The following ZSCAN25 variants were observed in gnomAD, a reference collection of about 807,000 sequenced individuals.
ZSCAN25 encodes zinc finger and SCAN domain-containing protein 25.
ZSCAN25 carries 27 observed loss-of-function variants against 38.7 expected under a neutral mutation model. The ratio of observed to expected loss-of-function variants is 0.70; its 90% confidence interval spans 0.51 to 0.96. The LOEUF is 0.96. Among genes scored for constraint, ZSCAN25 ranks in the 40% least tolerant of loss-of-function variants. The pLI is 0.00. For missense variants in ZSCAN25, 637 were observed against 705.9 expected (o/e 0.90, Z 1.11); for synonymous variants, 273 against 277.7 (o/e 0.98, Z 0.17).
the ZSCAN25 span, among the ~76,000 whole-genome samples, chr7:99,682,103 G>C: frequency 6.6e-6 from 1 of 152,064 alleles, no homozygotes; most frequent in Non-Finnish European, 1.5e-5. Flanking sequence ...TGTGTAGCTG[G>C]GACTACAGGC....
At chr7:99,683,710 C>T in the ZSCAN25 span, among the ~76,000 whole-genome samples, 2 of 152,038 alleles carry the variant, frequency 1.3e-5, no homozygotes, top group Admixed American at 6.5e-5. Context: ...CCCTCTGTGT[C>T]GACATTTTCT....
At chr7:99,628,175 A>G (rs1807662131) in intron 7 of ZSCAN25, among the ~76,000 whole-genome samples, 1 of 152,246 alleles carries the variant, frequency 6.6e-6, no homozygotes, top group South Asian at 2.1e-4. Context: ...TGTACAAAAC[A>G]TAAATGGCTT....
At chr7:99,685,796 T>A in the ZSCAN25 span, among the ~76,000 whole-genome samples, 5 of 152,226 alleles carry the variant, frequency 3.3e-5, no homozygotes, top group Non-Finnish European at 7.3e-5. Context: ...AGGTCTTCAG[T>A]GAAACTAGGC....
At chr7:99,706,417 C>T in the ZSCAN25 span, among the ~76,000 whole-genome samples, 1 of 152,180 alleles carries the variant, frequency 6.6e-6, no homozygotes, top group Admixed American at 6.5e-5. Flanking sequence ...AGGATAGCTA[C>T]ATAGCTGGCC....
At chr7:99,690,957 G>T in the ZSCAN25 span, among the ~76,000 whole-genome samples, 1 of 152,162 alleles carries the variant, frequency 6.6e-6, no homozygotes, top group Non-Finnish European at 1.5e-5. Context: ...ATACCCAAAG[G>T]ATTATAAATC....
chr7:99,715,612 A>G, the ZSCAN25 span: 30 of 1,397,270 alleles, frequency 2.1e-5, no homozygotes, highest in South Asian at 2.0e-4. Context: ...AAAGTTTACA[A>G]TGGTGATGGT....
chr7:99,627,829 G>A (rs1355357137), intron 7 of ZSCAN25, among the ~76,000 whole-genome samples: 3 of 151,854 alleles, frequency 2.0e-5, no homozygotes, highest in African/African-American at 7.3e-5. Context: ...TGCTGTATAT[G>A]TATATACTGT....
the ZSCAN25 span, among the ~76,000 whole-genome samples, chr7:99,651,758 G>C: frequency 6.6e-6 from 1 of 152,204 alleles, no homozygotes; most frequent in Admixed American, 6.5e-5. Context: ...TCCAGAGTGC[G>C]AACTGTGCCT....
chr7:99,729,698 A>G, the ZSCAN25 span, among the ~76,000 whole-genome samples: 2 of 152,026 alleles, frequency 1.3e-5, no homozygotes, highest in Admixed American at 1.3e-4. Flanking sequence ...TCTCTGCACA[A>G]TGAGTCTTAT....
chr7:99,673,102 G>C, the ZSCAN25 span, among the ~76,000 whole-genome samples: 7 of 152,194 alleles, frequency 4.6e-5, no homozygotes, highest in Non-Finnish European at 8.8e-5. Context: ...AAATCATCAA[G>C]TGCTCACAAG....
chr7:99,676,489 G>A, the ZSCAN25 span: 1 of 1,399,280 alleles, frequency 7.1e-7, no homozygotes, highest in African/African-American at 1.4e-5. Flanking sequence ...ATGCTCCTGA[G>A]AGGTTCAGGC....
At position 99,630,677 on chromosome 7, in the gene ZSCAN25, A is replaced by G; in HGVS notation, c.*657A>G. 1 of 985,528 alleles carries G rather than the reference A, an allele frequency of 1.0e-6. No homozygotes were observed. Among genetic ancestry groups the G allele is most frequent in the Non-Finnish European group, 1.2e-6 (1 of 830,012 alleles). 61.0% of individuals were successfully genotyped at this position (985,528 alleles called of 1,614,324 possible). On this transcript the variant is annotated 3_prime_UTR_variant, in exon 8 of 8. Transcript: ENST00000394152. Reference sequence around the variant, plus strand: ...CCCCAGCTGGGATCTGCTCCCAGGCAACTGTGTGAATTTTACATTATTTGG... The same window carrying G: ...CCCCAGCTGGGATCTGCTCCCAGGCGACTGTGTGAATTTTACATTATTTGG...
chr7:99,631,298 G>A lies in ZSCAN25; in HGVS notation c.*1278G>A. 1 of 985,380 alleles carries A rather than the reference G, an allele frequency of 1.0e-6. No individual in the cohort carries two copies. Among genetic ancestry groups the A allele is most frequent in the Non-Finnish European group, 1.2e-6 (1 of 829,924 alleles). 61.0% of individuals were successfully genotyped at this position (985,380 alleles called of 1,614,324 possible). A position where few individuals can be genotyped will look rare whatever the true frequency, so the allele number is the denominator to read the frequency against. ...ACCCACTGGGGATGATGAGCTGGTA[G>A]CGACCTGTTTTGCATGAGTGCCAAG... On this transcript the variant is annotated 3_prime_UTR_variant, in exon 8 of 8. Transcript: ENST00000394152.
At chr7:99,654,784 G>T in the ZSCAN25 span, among the ~76,000 whole-genome samples, 1 of 152,160 alleles carries the variant, frequency 6.6e-6, no homozygotes, top group Non-Finnish European at 1.5e-5. Context: ...TCTAACTGGC[G>T]TGAGATGGTA....
chr7:99,626,736 C>T (rs1219611363), intron 7 of ZSCAN25, among the ~76,000 whole-genome samples: 1 of 152,192 alleles, frequency 6.6e-6, no homozygotes, highest in East Asian at 1.9e-4. Context: ...GGTACATGGT[C>T]TGGGAGTTAA....
the ZSCAN25 span, among the ~76,000 whole-genome samples, chr7:99,707,609 C>T: frequency 6.6e-6 from 1 of 152,216 alleles, no homozygotes; most frequent in African/African-American, 2.4e-5. Flanking sequence ...TCTACATTGA[C>T]ATTGCATGAT....
chr7:99,737,354 G>C, the ZSCAN25 span, among the ~76,000 whole-genome samples: 1 of 152,238 alleles, frequency 6.6e-6, no homozygotes, highest in Non-Finnish European at 1.5e-5. Flanking sequence ...ACCAGAAATT[G>C]GTTGAGATTC....
At chr7:99,654,129 G>C in the ZSCAN25 span, among the ~76,000 whole-genome samples, 1 of 151,900 alleles carries the variant, frequency 6.6e-6, no homozygotes, top group Non-Finnish European at 1.5e-5. Flanking sequence ...TGTACACAAC[G>C]TGCAGGTTTG....
the ZSCAN25 span, among the ~76,000 whole-genome samples, chr7:99,717,833 T>A: frequency 6.6e-6 from 1 of 152,208 alleles, no homozygotes; most frequent in Admixed American, 6.5e-5. Context: ...CCAGCCTGTA[T>A]ATCCCAGTCT....
Sources: allele counts gnomAD v4.1 joint callset (sites outside exome capture counted in the v4.1 genomes callset), GRCh38; gene constraint gnomAD v4.1.1; transcripts MANE v1.5; gene names NCBI Gene and HGNC (gene_info 2026-07-23, HGNC 2026-07-21).